The following PCDHA4 variants were observed in gnomAD, a reference collection of about 807,000 sequenced individuals.
PCDHA4 encodes the protein protocadherin alpha-4.
A neutral mutation model predicts 61.4 loss-of-function variants in PCDHA4; 49 were observed. That is an observed-to-expected ratio of 0.80 (90% confidence interval 0.63 to 1.01). The LOEUF (loss-of-function observed/expected upper bound fraction) is 1.01, where lower values mean the gene tolerates loss of function less well. PCDHA4 is among the 50% of genes least tolerant of loss of function. The probability of loss-of-function intolerance (pLI) is 0.00; values close to 1 mark genes in which losing one functional copy is unlikely to be tolerated. For synonymous variants in PCDHA4, 590 were observed against 550.3 expected (o/e 1.07, Z -1.01); for missense variants, 1,254 against 1,235.8 (o/e 1.01, Z -0.22).
At chr5:140,838,499 T>G (rs1411144727) in intron 1 of PCDHA4, among the ~76,000 whole-genome samples, 5 of 151,960 alleles carry the variant, frequency 3.3e-5, no homozygotes, top group Non-Finnish European at 5.9e-5. Context: ...TGCTTTCTTA[T>G]TTTTAAAAGT....
At position 140,916,615 on chromosome 5, in the gene PCDHA4, T is replaced by C. The variant is rs191815089; in HGVS notation, c.2386-62334T>C. Among the ~76,000 whole-genome samples the C allele has an allele frequency of 2.6e-5, 4 of 152,270 alleles. No homozygotes were observed. In the East Asian group the frequency reaches 5.8e-4, roughly 22 times the overall value. On this transcript the variant is annotated intron_variant, in intron 1 of 3. Transcript: ENST00000530339. ...GGGCCTGGAATGCGGGCCTCATGAC[T>C]CTACTCAATGCCCTATCCTACTGTG...
chr5:140,920,029 T>G (rs1584162393), intron 1 of PCDHA4, among the ~76,000 whole-genome samples: 1 of 152,118 alleles, frequency 6.6e-6, no homozygotes, highest in African/African-American at 2.4e-5. Flanking sequence ...GAGACAGAGA[T>G]TGGAGTGATG....
At position 140,870,670 on chromosome 5, in the gene PCDHA4, G is replaced by A. The variant is rs782000668; in HGVS notation, c.2385+61098G>A. On this transcript the variant is annotated intron_variant, in intron 1 of 3. Coordinates refer to ENST00000530339, the MANE Select transcript of PCDHA4 (RefSeq NM_018907.4). Reference sequence around the variant, plus strand: ...CAAGGTGTACGCGCTGCAGCCGTTGGACCACGAGGAGCTGGAGCTGCTACA... The same window carrying A: ...CAAGGTGTACGCGCTGCAGCCGTTGAACCACGAGGAGCTGGAGCTGCTACA... The A allele has an allele frequency of 3.1e-6, 5 of 1,612,518 alleles. No individual in the cohort carries two copies. The East Asian group carries it at 1.1e-4, about 36-fold the overall frequency.
chr5:140,903,020 A>G lies in PCDHA4; in HGVS notation c.2386-75929A>G, dbSNP rs375776888. ...AATTGTGAATTGTGCTGCTATCAAC[A>G]TGGCTTGCACATGTGTCTTTTTCAT... On this transcript the variant is annotated intron_variant, in intron 1 of 3. Coordinates refer to ENST00000530339, the MANE Select transcript of PCDHA4 (RefSeq NM_018907.4). Among the ~76,000 whole-genome samples the G allele has an allele frequency of 2.4e-4, 36 of 152,312 alleles. No homozygotes were observed. In the East Asian group the frequency reaches 6.4e-3, roughly 27 times the overall value.
At chr5:140,854,174 A>AAAAAGAGT in intron 1 of PCDHA4, 1 of 680,558 alleles carries the variant, frequency 1.5e-6, no homozygotes, top group Non-Finnish European at 1.8e-6. Context: ...AAAAAAAAAA[A>AAAAAGAGT]AAGAGTAGTT....
rs201937079 is a variant in PCDHA4 at position 140,870,716 on chromosome 5, A to G, written c.2385+61144A>G. 15 of 1,613,024 alleles carry G rather than the reference A, an allele frequency of 9.3e-6. No individual in the cohort carries two copies. The highest frequency in any genetic ancestry group is 1.2e-5 in the Non-Finnish European group (14 of 1,179,860). On this transcript the variant is annotated intron_variant, in intron 1 of 3. Coordinates refer to ENST00000530339, the MANE Select transcript of PCDHA4 (RefSeq NM_018907.4). ...CTACAGTTCCAGGTGAGCGCGCGCG[A>G]TGCGGGCGTGCCGCCTCTGAGCAGC... is the stretch of plus-strand genomic sequence containing the variant.
chr5:140,838,018 T>TACAG (rs1484069937), intron 1 of PCDHA4, among the ~76,000 whole-genome samples: 1 of 151,286 alleles, frequency 6.6e-6, no homozygotes, highest in East Asian at 1.9e-4. Flanking sequence ...AAGAAGTGAT[T>TACAG]ACAGTAGAAA....
chr5:140,902,734 C>T (rs1345954248), intron 1 of PCDHA4, among the ~76,000 whole-genome samples: 1 of 151,052 alleles, frequency 6.6e-6, no homozygotes, highest in Non-Finnish European at 1.5e-5. Flanking sequence ...CCCTCCAAGT[C>T]CCCCAAATCC....
intron 1 of PCDHA4, chr5:140,843,512 G>A (rs782010980): frequency 6.3e-7 from 1 of 1,595,964 alleles, no homozygotes; most frequent in Non-Finnish European, 8.6e-7. Flanking sequence ...CACTGAGGGC[G>A]GGTGCCGGGC....
At chr5:140,872,562 G>A (rs2053754616) in intron 1 of PCDHA4, among the ~76,000 whole-genome samples, 1 of 152,072 alleles carries the variant, frequency 6.6e-6, no homozygotes, top group Non-Finnish European at 1.5e-5. Context: ...AGGGGTTCAG[G>A]GCTGCAGTGA....
At chr5:140,869,712 G>A in intron 1 of PCDHA4, 4 of 1,613,408 alleles carry the variant, frequency 2.5e-6, no homozygotes, top group South Asian at 1.1e-5. Context: ...TGGATAGAGA[G>A]AAAACTCCGG....
Position 140,850,285 on chromosome 5 carries a change from T to C in PCDHA4, c.2385+40713T>C. 3.8e-6 allele frequency: 6 copies of C among 1,595,604 alleles called. 1 individual carries two copies. The highest frequency in any genetic ancestry group is 4.5e-5 in the East Asian group (2 of 44,810). On this transcript the variant is annotated intron_variant, in intron 1 of 3. Coordinates refer to ENST00000530339, the MANE Select transcript of PCDHA4 (RefSeq NM_018907.4). ...GTAGTGGTGGGGAAGGTGCGCGCAG[T>C]GGACGCCGACTCGGGCTACAACGCG...
At chr5:140,824,506 C>T (rs1362393009) in intron 1 of PCDHA4, 1 of 304,690 alleles carries the variant, frequency 3.3e-6, no homozygotes, top group Non-Finnish European at 6.1e-6. Flanking sequence ...GCTTAGTCTG[C>T]AGTGATCTGA....
At chr5:140,851,481 C>G in intron 1 of PCDHA4, 1 of 891,038 alleles carries the variant, frequency 1.1e-6, no homozygotes, top group Non-Finnish European at 1.4e-6. Flanking sequence ...ATGTTATAAA[C>G]ACAGCCTTCA....
intron 1 of PCDHA4, chr5:140,852,529 G>T: frequency 2.4e-6 from 1 of 416,580 alleles, no homozygotes. Context: ...TCCCACCTCG[G>T]CCTCCCAAAG....
intron 1 of PCDHA4, chr5:140,968,723 GGTA>G (rs1199893104): frequency 9.3e-6 from 15 of 1,613,990 alleles, no homozygotes; most frequent in Non-Finnish European, 1.3e-5. Context: ...AGATGAGAGT[GGTA>G]GCACTTTCAA....
At chr5:140,966,730 C>T in intron 1 of PCDHA4, 1 of 1,405,456 alleles carries the variant, frequency 7.1e-7, no homozygotes, top group Non-Finnish European at 9.2e-7. Context: ...CTGCCGCCTC[C>T]GGCCCTGCCC....
Position 140,858,482 on chromosome 5 carries a change from A to G in PCDHA4, c.2385+48910A>G, listed in dbSNP as rs369228910. The G allele has an allele frequency of 2.7e-6, 4 of 1,507,654 alleles. 1 individual carries two copies. In the African/African-American group the frequency reaches 5.6e-5, roughly 21 times the overall value. 93.4% of individuals were successfully genotyped at this position (1,507,654 alleles called of 1,614,324 possible). On this transcript the variant is annotated intron_variant, in intron 1 of 3. Transcript: ENST00000530339. Reference sequence around the variant, plus strand: ...TTTCCTTTTGTGCTTTATGAATAATATTTTCTCTTACCGCATTTTCTCAAA... The same window carrying G: ...TTTCCTTTTGTGCTTTATGAATAATGTTTTCTCTTACCGCATTTTCTCAAA...
chr5:140,882,998 C>T, intron 1 of PCDHA4: 1 of 1,614,066 alleles, frequency 6.2e-7, no homozygotes. Context: ...GGAATTTTAC[C>T]AATCCGTTTA....
Sources: gnomAD v4.1 joint callset for allele counts (sites outside exome capture counted in the v4.1 genomes callset) on GRCh38, gnomAD v4.1.1 for gene constraint, MANE v1.5 for transcripts, NCBI Gene and HGNC (gene_info 2026-07-23, HGNC 2026-07-21) for gene names.